Variants in KCNH8 observed in about 807,000 individuals in gnomAD.
The protein encoded by KCNH8 is voltage-gated delayed rectifier potassium channel KCNH8.
A neutral mutation model predicts 103.6 loss-of-function variants in KCNH8; 70 were observed. That is an observed-to-expected ratio of 0.68 (90% CI 0.56 to 0.82). The LOEUF is 0.82. Among genes scored for constraint, KCNH8 ranks in the 40% least tolerant of loss-of-function variants. The probability of loss-of-function intolerance (pLI) is 0.00; values close to 1 mark genes in which losing one functional copy is unlikely to be tolerated. For synonymous variants in KCNH8, 498 were observed against 489.4 expected, an observed-to-expected ratio of 1.02 and a Z score of -0.23; for missense variants, 1,217 against 1,329.9, an observed-to-expected ratio of 0.92 and a Z score of 1.32.
At chr3:19,313,602 C>G (rs1212854355) in intron 3 of KCNH8, among the ~76,000 whole-genome samples, 1 of 151,384 alleles carries the variant, frequency 6.6e-6, no homozygotes, top group Admixed American at 6.6e-5. Flanking sequence ...GTGTTTGTCA[C>G]ATGCAGTATT....
At chr3:19,462,596 G>T (rs1381355258) in intron 11 of KCNH8, among the ~76,000 whole-genome samples, 2 of 152,160 alleles carry the variant, frequency 1.3e-5, no homozygotes, top group African/African-American at 4.8e-5. Context: ...TAGGTTGCCT[G>T]TTCACTCTGA....
chr3:19,212,263 C>T (rs564020320), intron 1 of KCNH8, among the ~76,000 whole-genome samples: 1 of 152,282 alleles, frequency 6.6e-6, no homozygotes, highest in East Asian at 1.9e-4. Flanking sequence ...TGAATATTCT[C>T]ACCAAAGGTC....
chr3:19,324,687 G>A (rs1243979989), intron 3 of KCNH8, among the ~76,000 whole-genome samples: 1 of 152,060 alleles, frequency 6.6e-6, no homozygotes, highest in Non-Finnish European at 1.5e-5. Context: ...AGAAATCAGA[G>A]ATCACACAAT....
chr3:19,283,131 G>A (rs1323898544), intron 3 of KCNH8, among the ~76,000 whole-genome samples: 8 of 152,042 alleles, frequency 5.3e-5, no homozygotes, highest in African/African-American at 9.7e-5. Flanking sequence ...TTCTTTTCCC[G>A]GAAATAGCTA....
rs374404927 is a variant in KCNH8 at position 19,375,886 on chromosome 3, T to C, written c.812-14595T>C. Among the ~76,000 whole-genome samples, 353 of 152,122 alleles carry C rather than the reference T, an allele frequency of 2.3e-3. 2 individuals carry two copies. Among genetic ancestry groups the C allele is most frequent in the Non-Finnish European group, 3.8e-3 (257 of 67,994 alleles). ...TACTGTGTGAGGTGTCAGTGTGCCC[T>C]TGCTGGGGGGTGCCTCCCAGTTAGG... On this transcript the variant is annotated intron_variant, in intron 5 of 15. Coordinates refer to ENST00000328405, the MANE Select transcript of KCNH8 (RefSeq NM_144633.3).
At chr3:19,159,137 TC>T (rs1463649496) in intron 1 of KCNH8, among the ~76,000 whole-genome samples, 1 of 151,848 alleles carries the variant, frequency 6.6e-6, no homozygotes, top group Non-Finnish European at 1.5e-5. Flanking sequence ...TTATTATCTA[TC>T]GAGACTATTC....
At chr3:19,354,760 C>T (rs2065855424) in intron 5 of KCNH8, among the ~76,000 whole-genome samples, 1 of 152,142 alleles carries the variant, frequency 6.6e-6, no homozygotes, top group South Asian at 2.1e-4. Context: ...AAATGTTAGA[C>T]CTAAAACCAT....
intron 11 of KCNH8, among the ~76,000 whole-genome samples, chr3:19,472,797 A>T (rs2067890655): frequency 6.6e-6 from 1 of 152,292 alleles, no homozygotes; most frequent in South Asian, 2.1e-4. Flanking sequence ...CATTTGGGTA[A>T]ATCTCCCATG....
intron 11 of KCNH8, among the ~76,000 whole-genome samples, chr3:19,479,715 G>T (rs1295465951): frequency 1.3e-5 from 2 of 152,158 alleles, no homozygotes; most frequent in South Asian, 4.1e-4. Context: ...TCTATTATAT[G>T]ATACTTATTA....
intron 11 of KCNH8, among the ~76,000 whole-genome samples, chr3:19,461,624 C>T (rs1381798405): frequency 6.6e-6 from 1 of 152,272 alleles, no homozygotes; most frequent in East Asian, 1.9e-4. Flanking sequence ...CTTATCTATA[C>T]ATCCTTATTT....
intron 7 of KCNH8, among the ~76,000 whole-genome samples, chr3:19,403,552 G>T (rs2066648044): frequency 6.6e-6 from 1 of 150,586 alleles, no homozygotes; most frequent in African/African-American, 2.4e-5. Context: ...ACCCATACAG[G>T]TATAAGGTAT....
intron 5 of KCNH8, among the ~76,000 whole-genome samples, chr3:19,360,308 A>G (rs1296390893): frequency 6.6e-6 from 1 of 152,082 alleles, no homozygotes; most frequent in East Asian, 1.9e-4. Context: ...GTATAAATCA[A>G]GTGTGGTGGA....
chr3:19,497,663 G>C lies in KCNH8; in HGVS notation c.2041-12700G>C, dbSNP rs371611857. On this transcript the variant is annotated intron_variant, in intron 11 of 15. Transcript: ENST00000328405. Reference sequence around the variant, plus strand: ...TGAGGGTTATTTTATGTCTGATTTTGTGGTTGATTTTAGAATATGTGCCAT... The same window carrying C: ...TGAGGGTTATTTTATGTCTGATTTTCTGGTTGATTTTAGAATATGTGCCAT... 2.6e-5 allele frequency among the ~76,000 whole-genome samples: 4 copies of C among 152,248 alleles called. No individual in the cohort carries two copies. The East Asian group carries it at 5.8e-4, about 22-fold the overall frequency.
intron 1 of KCNH8, among the ~76,000 whole-genome samples, chr3:19,189,335 A>G (rs1277175499): frequency 2.0e-5 from 3 of 152,048 alleles, no homozygotes; most frequent in Admixed American, 6.6e-5. Flanking sequence ...GAAAATTAGT[A>G]TACTGTGATC....
At chr3:19,490,591 G>C (rs1016713893) in intron 11 of KCNH8, among the ~76,000 whole-genome samples, 1 of 152,214 alleles carries the variant, frequency 6.6e-6, no homozygotes, top group Admixed American at 6.5e-5. Flanking sequence ...CCAGGGTGTG[G>C]CACCGGGTTG....
At chr3:19,508,070 G>A (rs571280726) in intron 11 of KCNH8, among the ~76,000 whole-genome samples, 9 of 152,168 alleles carry the variant, frequency 5.9e-5, no homozygotes, top group Non-Finnish European at 1.0e-4. Flanking sequence ...TGTCAAACCA[G>A]CCTTGCATCC....
chr3:19,165,497 A>C (rs1302515513), intron 1 of KCNH8, among the ~76,000 whole-genome samples: 1 of 152,178 alleles, frequency 6.6e-6, no homozygotes, highest in East Asian at 1.9e-4. Context: ...GGTCATTAGC[A>C]AGCTTTGGAC....
chr3:19,293,933 C>T (rs908376335), intron 3 of KCNH8, among the ~76,000 whole-genome samples: 5 of 152,160 alleles, frequency 3.3e-5, no homozygotes, highest in African/African-American at 1.2e-4. Context: ...AACCACATAG[C>T]ATTCTTGCTG....
At chr3:19,230,665 A>C (rs1467496636) in intron 1 of KCNH8, among the ~76,000 whole-genome samples, 1 of 152,058 alleles carries the variant, frequency 6.6e-6, no homozygotes, top group South Asian at 2.1e-4. Flanking sequence ...AGTTATCATC[A>C]GTAACTCTTT....
Sources: allele counts gnomAD v4.1 joint callset (sites outside exome capture counted in the v4.1 genomes callset), GRCh38; gene constraint gnomAD v4.1.1; transcripts MANE v1.5; gene names NCBI Gene and HGNC (gene_info 2026-07-23, HGNC 2026-07-21).